RPAP1: variants seen among roughly 807,000 people sequenced by gnomAD.
RPAP1 encodes RNA polymerase II-associated protein 1.
Under a neutral mutation model 142.4 loss-of-function variants are expected in RPAP1, and 109 were observed. The observed-to-expected ratio is 0.77, with a 90% CI of 0.66 to 0.90. The LOEUF is 0.90. Ranked by LOEUF, RPAP1 falls within the 40% of genes least tolerant of loss-of-function variation. The probability of loss-of-function intolerance (pLI) is 0.00; values close to 1 mark genes in which losing one functional copy is unlikely to be tolerated. For missense variants in RPAP1, 1,546 were observed against 1,751.7 expected, an observed-to-expected ratio of 0.88 and a Z score of 2.10; for synonymous variants, 704 against 738.9, an observed-to-expected ratio of 0.95 and a Z score of 0.77.
At chr15:41,518,832 C>T (rs536530898) in intron 22 of RPAP1, among the ~76,000 whole-genome samples, 3 of 152,194 alleles carry the variant, frequency 2.0e-5, no homozygotes, top group Admixed American at 6.5e-5. Flanking sequence ...AGCAACAGAG[C>T]GAGACTCTGT....
Position 41,523,928 on chromosome 15 carries a change from G to A in RPAP1, c.2279C>T (p.Thr760Ile). ...ASLSATPSLV[T>I]WTQVSGLQPL... ...CTGGAGCCCAGACACCTGTGTCCAA[G>A]TGACTAAGGAAGGGGTGGCCGAGAG... The change falls in exon 17 of 25, where the codon ACT becomes ATT. Residue 760 changes from threonine to isoleucine, a missense_variant. Transcript: ENST00000304330. The A allele has an allele frequency of 6.2e-7, 1 of 1,610,150 alleles. No individual in the cohort carries two copies.
intron 19 of RPAP1, chr15:41,522,557 A>T: frequency 1.8e-6 from 1 of 560,842 alleles, no homozygotes; most frequent in Non-Finnish European, 3.1e-6. Context: ...TGCCTGGCTA[A>T]TTTTGTATTT....
At chr15:41,525,285 T>A (rs919583770) in intron 14 of RPAP1, 137 bp from the exon 15 acceptor site, 3 of 426,392 alleles carry the variant, frequency 7.0e-6, no homozygotes, top group Non-Finnish European at 1.2e-5. Context: ...TCATCCACCC[T>A]GCCCTTCCTT....
At chr15:41,521,181 T>G in intron 21 of RPAP1, 34 bp from the exon 22 acceptor site, 1 of 1,508,848 alleles carries the variant, frequency 6.6e-7, no homozygotes, top group Non-Finnish European at 8.8e-7. Flanking sequence ...AAATGAGGGC[T>G]GGAACCACAG....
At position 41,534,903 on chromosome 15, in the gene RPAP1, T is replaced by C; in HGVS notation, c.574A>G (p.Asn192Asp). 1 of 1,614,194 alleles carries C rather than the reference T, an allele frequency of 6.2e-7. No individual in the cohort carries two copies. Among genetic ancestry groups the C allele is most frequent in the Non-Finnish European group, 8.5e-7 (1 of 1,180,016 alleles). ...CTCCCAGGAAGCTGGCAGCCCTGGT[T>C]CCTAGGAGTGGGTGTCTCACAGGTC... ...AVTCETPTPR[N>D]QGCQLPGSSH... The change falls in exon 6 of 25, where the codon AAC becomes GAC. Residue 192 changes from asparagine (N) to aspartate (D), a missense_variant. Physicochemically the swap from Asn to Asp is conservative, Grantham distance 23 (BLOSUM62 1). This residue lies in a region of RPAP1 where 1,333 missense variants were observed against 1,486.6 expected (regional missense o/e 0.90). Transcript: ENST00000304330.
At position 41,524,258 on chromosome 15, in the gene RPAP1, G is replaced by C; in HGVS notation, c.2076-4C>G. On this transcript the variant is annotated splice_region_variant and splice_polypyrimidine_tract_variant and intron_variant, in intron 15 of 24. Coordinates refer to ENST00000304330, the MANE Select transcript of RPAP1 (RefSeq NM_015540.4). ...CATCAGCACTGGGTAGAGCTCCCTA[G>C]GGAAGAACAGGGACTGATTTTCACT... 2.0e-6 allele frequency: 3 copies of C among 1,515,900 alleles called. No homozygotes were observed. Among genetic ancestry groups the C allele is most frequent in the Non-Finnish European group, 2.6e-6 (3 of 1,132,172 alleles). The allele number at this position is 1,515,900 out of a possible 1,614,324, so 93.9% of individuals were successfully genotyped here.
intron 9 of RPAP1, among the ~76,000 whole-genome samples, chr15:41,529,103 G>A (rs898083214): frequency 3.9e-5 from 6 of 152,188 alleles, no homozygotes; most frequent in Non-Finnish European, 5.9e-5. Flanking sequence ...TTGGGAGGCC[G>A]AGGCAGGCGG....
intron 2 of RPAP1, 54 bp downstream of exon 2, chr15:41,536,891 G>A (rs185284002): frequency 1.3e-4 from 202 of 1,575,736 alleles, no homozygotes; most frequent in Non-Finnish European, 1.7e-4. Flanking sequence ...GAAGAGGGAG[G>A]GGCCCGAGGC....
chr15:41,536,662 A>C lies in RPAP1; in HGVS notation c.182-13T>G. ...AAATCTGGGAGATCTGAGAAAGAAA[A>C]GATCCCAAACGTGAGTATATGCACA... On this transcript the variant is annotated splice_polypyrimidine_tract_variant and intron_variant, in intron 2 of 24. Coordinates refer to ENST00000304330, the MANE Select transcript of RPAP1 (RefSeq NM_015540.4). 5 of 1,612,524 alleles carry C rather than the reference A, an allele frequency of 3.1e-6. No individual in the cohort carries two copies. Among genetic ancestry groups the C allele is most frequent in the Non-Finnish European group, 4.2e-6 (5 of 1,179,856 alleles).
In RPAP1 at chr15:41,526,945, G is replaced by T; in HGVS notation, c.1870C>A (p.Leu624Ile). The T allele has an allele frequency of 6.2e-7, 1 of 1,614,112 alleles. No individual in the cohort carries two copies. The highest frequency in any genetic ancestry group is 8.5e-7 in the Non-Finnish European group (1 of 1,179,972). Reference protein sequence around the residue: ...YKVPCATAMKLLRVLASAGRN... With the variant: ...YKVPCATAMKILRVLASAGRN... ...CCAGCTGAGGCCAGGACACGAAGTA[G>T]TTTCATGGCAGTAGCACAGGGTACT... Residue 624 changes from leucine to isoleucine, a missense_variant, in exon 14 of 25, where the codon CTA becomes ATA. By Grantham distance (5) the Leu-to-Ile change is conservative (BLOSUM62 2). Coordinates refer to ENST00000304330, the MANE Select transcript of RPAP1 (RefSeq NM_015540.4).
intron 1 of RPAP1, among the ~76,000 whole-genome samples, chr15:41,538,465 G>A (rs962992361): frequency 2.6e-5 from 4 of 152,074 alleles, no homozygotes; most frequent in African/African-American, 9.7e-5. Context: ...GCACTTCTCT[G>A]TCTGCTCAAC....
chr15:41,530,808 G>A (rs1187994961), intron 7 of RPAP1, among the ~76,000 whole-genome samples: 2 of 152,310 alleles, frequency 1.3e-5, no homozygotes, highest in East Asian at 3.9e-4. Context: ...AAGGGAAGGC[G>A]GAGAAGGGGC....
chr15:41,517,918 G>C, intron 23 of RPAP1, 61 bp from the exon 24 acceptor site: 3 of 1,612,850 alleles, frequency 1.9e-6, no homozygotes, highest in East Asian at 2.2e-5. Flanking sequence ...CACTGGCCTT[G>C]CTTGACACTT....
chr15:41,540,040 T>A (rs143449982), intron 1 of RPAP1, among the ~76,000 whole-genome samples: 2,677 of 151,782 alleles, frequency 0.018, 45 homozygotes, highest in South Asian at 0.052. Flanking sequence ...CTCAAAAAAA[T>A]AATAATAATA....
At chr15:41,543,777 T>C (rs1342680525) in intron 1 of RPAP1, 1 of 150,028 alleles carries the variant, frequency 6.7e-6, no homozygotes, top group Non-Finnish European at 1.5e-5. Flanking sequence ...AGAATAAGAA[T>C]GGGTTGGCCG....
intron 1 of RPAP1, among the ~76,000 whole-genome samples, chr15:41,537,916 C>G (rs1269301865): frequency 3.3e-5 from 5 of 150,840 alleles, no homozygotes; most frequent in Admixed American, 1.3e-4. Flanking sequence ...TGTCTATGCA[C>G]TAGCAAAGAA....
At chr15:41,520,274 AG>A in intron 22 of RPAP1, 116 bp downstream of exon 22, 1 of 1,146,708 alleles carries the variant, frequency 8.7e-7, no homozygotes, top group South Asian at 1.4e-5. Context: ...ATCCCCTCAA[AG>A]CCCCCAAGAG....
chr15:41,539,366 C>T (rs1483572764), intron 1 of RPAP1, among the ~76,000 whole-genome samples: 1 of 152,078 alleles, frequency 6.6e-6, no homozygotes, highest in Non-Finnish European at 1.5e-5. Context: ...GCGATCTCGG[C>T]TCACTGCAAC....
intron 20 of RPAP1, 67 bp downstream of exon 20, chr15:41,522,031 T>C: frequency 6.3e-7 from 1 of 1,588,690 alleles, no homozygotes; most frequent in Non-Finnish European, 8.6e-7. Context: ...AGAAGCAGGC[T>C]GGGTTCCACA....
Sources: allele counts gnomAD v4.1 joint callset (sites outside exome capture counted in the v4.1 genomes callset), GRCh38; gene constraint gnomAD v4.1.1; regional missense constraint gnomAD v4.1.1; transcripts MANE v1.5; gene names NCBI Gene and HGNC (gene_info 2026-07-23, HGNC 2026-07-21).